Variants in SLC29A4 observed in about 807,000 individuals in gnomAD.
SLC29A4 encodes the protein solute carrier family 29 member 4.
A neutral mutation model predicts 43.9 loss-of-function variants in SLC29A4; 36 were observed. The observed-to-expected ratio is 0.82, with a 90% CI of 0.63 to 1.08. The LOEUF is 1.08. SLC29A4 is among the 50% of genes least tolerant of loss of function. The probability of loss-of-function intolerance (pLI) is 0.00; values close to 1 mark genes in which losing one functional copy is unlikely to be tolerated. For missense variants in SLC29A4, 869 were observed against 755.3 expected (o/e 1.15, Z -1.77); for synonymous variants, 491 against 338.0 (o/e 1.45, Z -4.97).
In SLC29A4 at chr7:5,297,021, C is replaced by G. The variant is rs745909941; in HGVS notation, c.705C>G (p.Phe235Leu). 6.2e-7 allele frequency: 1 copy of G among 1,606,296 alleles called. No individual in the cohort carries two copies. The highest frequency in any genetic ancestry group is 1.3e-5 in the African/African-American group (1 of 74,854). ...PDERASTLIF[F>L]LVSVALELLC... ...AGCGCGCCAGCACGCTCATCTTCTT[C>G]CTGGTGTCGGTGGCGCTGGAGCTGC... The change falls in exon 7 of 11, where the codon TTC becomes TTG. Residue 235 changes from phenylalanine (F) to leucine (L), a missense_variant. Transcript: ENST00000396872.
At chr7:5,296,229 G>A (rs1031708146) in intron 6 of SLC29A4, among the ~76,000 whole-genome samples, 1 of 151,864 alleles carries the variant, frequency 6.6e-6, no homozygotes, top group African/African-American at 2.4e-5. Flanking sequence ...CGCGCCCTCT[G>A]TTCCATTCCT....
chr7:5,301,974 G>A (rs188132273), intron 10 of SLC29A4, among the ~76,000 whole-genome samples: 42 of 152,148 alleles, frequency 2.8e-4, no homozygotes, highest in East Asian at 2.1e-3. Context: ...CTTTTTAGAT[G>A]GAGTCTTGCT....
Position 5,287,901 on chromosome 7 carries a change from G to A in SLC29A4, c.85G>A (p.Asp29Asn), listed in dbSNP as rs779321095. Residue 29 changes from aspartate to asparagine, a missense_variant, in exon 2 of 11, where the codon GAC becomes AAC. By Grantham distance (23) the Asp-to-Asn change is conservative. Coordinates refer to ENST00000396872, the MANE Select transcript of SLC29A4 (RefSeq NM_153247.4). Reference sequence around the variant, plus strand: ...GGGCGTAGTGATGAGCTTCACCTTCGACAGTCACCAGCTGGAGGAGGCGGC... The same window carrying A: ...GGGCGTAGTGATGAGCTTCACCTTCAACAGTCACCAGCTGGAGGAGGCGGC... The part of the protein sequence containing the change: ...DPGVVMSFTF[D>N]SHQLEEAAEA... 35 of 1,611,998 alleles carry A rather than the reference G, an allele frequency of 2.2e-5. No homozygotes were observed. The highest frequency in any genetic ancestry group is 6.7e-5 in the Admixed American group (4 of 59,986).
intron 6 of SLC29A4, among the ~76,000 whole-genome samples, 150 bp from the exon 7 acceptor site, chr7:5,296,769 GGGGGCAGGGCCTGTGGT>G (rs1785701971): frequency 1.5e-5 from 2 of 129,162 alleles, no homozygotes; most frequent in African/African-American, 6.9e-5. Flanking sequence ...GCCTGTGGGT[GGGGGCAGGGCCTGTGGT>G]GGAGGGCGGG....
rs759477116 is a variant in SLC29A4, at chr7:5,297,022, C to G, written c.706C>G (p.Leu236Val). The change falls in exon 7 of 11, where the codon CTG becomes GTG. Residue 236 changes from leucine (L) to valine (V), a missense_variant. By Grantham distance (32) the Leu-to-Val change is conservative. Coordinates refer to ENST00000396872, the MANE Select transcript of SLC29A4 (RefSeq NM_153247.4). ...DERASTLIFF[L>V]VSVALELLCF... is the part of the protein sequence containing the mutation. ...GCGCGCCAGCACGCTCATCTTCTTC[C>G]TGGTGTCGGTGGCGCTGGAGCTGCT... The G allele has an allele frequency of 5.0e-6, 8 of 1,606,574 alleles. No individual in the cohort carries two copies. In the East Asian group the frequency reaches 1.8e-4, roughly 36 times the overall value.
chr7:5,297,324 G>T, intron 7 of SLC29A4, 126 bp downstream of exon 7: 1 of 1,124,822 alleles, frequency 8.9e-7, no homozygotes, highest in Non-Finnish European at 1.2e-6. Flanking sequence ...TCCTGTGGTG[G>T]AGACTCCTTC....
At chr7:5,293,234 C>T (rs1386441660) in intron 5 of SLC29A4, among the ~76,000 whole-genome samples, 4 of 145,542 alleles carry the variant, frequency 2.7e-5, no homozygotes, top group African/African-American at 1.0e-4. Context: ...TGCAGTGGCA[C>T]GATCTCAGCT....
chr7:5,299,705 A>G (rs957998463), intron 9 of SLC29A4, among the ~76,000 whole-genome samples: 2 of 152,206 alleles, frequency 1.3e-5, no homozygotes, highest in African/African-American at 4.8e-5. Flanking sequence ...GGGGATGAGC[A>G]CAGGAGGATG....
chr7:5,283,869 C>T (rs1248621643), intron 1 of SLC29A4, among the ~76,000 whole-genome samples: 1 of 152,204 alleles, frequency 6.6e-6, no homozygotes, highest in East Asian at 1.9e-4. Context: ...CTGGTCCTTC[C>T]TGGCTGGCCG....
At chr7:5,302,292 C>G (rs199512589) in intron 10 of SLC29A4, among the ~76,000 whole-genome samples, 1 of 152,176 alleles carries the variant, frequency 6.6e-6, no homozygotes, top group African/African-American at 2.4e-5. Context: ...GCCAGGCTCA[C>G]TGGCTCAGGA....
intron 6 of SLC29A4, 107 bp from the exon 7 acceptor site, chr7:5,296,829 G>T (rs1562450374): frequency 7.7e-7 from 1 of 1,296,144 alleles, no homozygotes; most frequent in Non-Finnish European, 1.0e-6. Flanking sequence ...TGTGGTGGAG[G>T]GCGGGGCCGG....
At position 5,297,653 on chromosome 7, in the gene SLC29A4, C is replaced by T. The variant is rs1272350259; in HGVS notation, c.882+455C>T. Among the ~76,000 whole-genome samples the T allele has an allele frequency of 5.4e-5, 8 of 147,070 alleles. No homozygotes were observed. The East Asian group carries it at 9.6e-4, about 18-fold the overall frequency. On this transcript the variant is annotated intron_variant, in intron 7 of 10. Transcript: ENST00000396872. The stretch of plus-strand genomic sequence containing the variant: ...CTCTAGGAAGCTCACAGCCTTCCTC[C>T]CTAGAGTCGGGACGCCAGGAGGGAA...
chr7:5,297,578 G>C (rs1264960250), intron 7 of SLC29A4, among the ~76,000 whole-genome samples: 1 of 152,208 alleles, frequency 6.6e-6, no homozygotes, highest in Non-Finnish European at 1.5e-5. Flanking sequence ...TCCTGGCTGC[G>C]CCAACCCACG....
chr7:5,283,105 G>C (rs1295938831), intron 1 of SLC29A4, 23 bp downstream of exon 1: 1 of 149,040 alleles, frequency 6.7e-6, no homozygotes, highest in African/African-American at 2.4e-5. Context: ...CGCGGGACGC[G>C]GGGAGACGCC....
At position 5,300,511 on chromosome 7, in the gene SLC29A4, G is replaced by C. The variant is rs539398267; in HGVS notation, c.1299G>C (p.Leu433=). Residue 433 remains leucine (L), a synonymous_variant, in exon 10 of 11, where the codon CTG becomes CTC. Transcript: ENST00000396872. Reference sequence around the variant, plus strand: ...TGGTCTTCATCCCCCTCTTCATCCTGTGCGTCTACCCCAGCGGCATGCCCG... The same window carrying C: ...TGGTCTTCATCCCCCTCTTCATCCTCTGCGTCTACCCCAGCGGCATGCCCG... The part of the protein sequence containing the change: ...LRVVFIPLFI[L]CVYPSGMPAL... The C allele has an allele frequency of 6.2e-7, 1 of 1,612,118 alleles. No individual in the cohort carries two copies. Among genetic ancestry groups the C allele is most frequent in the East Asian group, 2.2e-5 (1 of 44,876 alleles).
At position 5,298,979 on chromosome 7, in the gene SLC29A4, TC is replaced by T; in HGVS notation, c.883-6del. The T allele has an allele frequency of 6.2e-7, 1 of 1,605,744 alleles. No individual in the cohort carries two copies. On this transcript the variant is annotated splice_polypyrimidine_tract_variant and splice_region_variant and intron_variant, in intron 7 of 10. Coordinates refer to ENST00000396872, the MANE Select transcript of SLC29A4 (RefSeq NM_153247.4). ...ACTCCAACCCCATCCCACTCCATCC[TC>T]CCTCCAGGAGCACCCAGCCCCGGCC...
intron 2 of SLC29A4, among the ~76,000 whole-genome samples, chr7:5,288,393 C>T (rs1264261029): frequency 2.0e-5 from 3 of 150,522 alleles, no homozygotes; most frequent in South Asian, 2.1e-4. Flanking sequence ...CAAGCTCCGC[C>T]TCCTGGGTTC....
intron 5 of SLC29A4, among the ~76,000 whole-genome samples, chr7:5,293,963 G>T (rs927453171): frequency 1.3e-5 from 2 of 152,044 alleles, no homozygotes; most frequent in Non-Finnish European, 2.9e-5. Context: ...AAAATTAGCC[G>T]GGTGTGGTGG....
In SLC29A4 at chr7:5,306,850, C is replaced by CCAA. The variant is rs1018725836; in HGVS notation, c.*3915_*3917dup. On this transcript the variant is annotated 3_prime_UTR_variant, in exon 11 of 11. Transcript: ENST00000396872. ...ATGAAAAAAGATCACACAGAATTTG[C>CCAA]CAACAAACAAAATTCCAAAAGAAAC... is the stretch of plus-strand genomic sequence containing the variant. 2 of 148,950 alleles carry CCAA rather than the reference C, an allele frequency of 1.3e-5. No individual in the cohort carries two copies. Among genetic ancestry groups the CCAA allele is most frequent in the African/African-American group, 2.5e-5 (1 of 39,492 alleles). 9.2% of individuals were successfully genotyped at this position (148,950 alleles called of 1,614,324 possible). A position where few individuals can be genotyped will look rare whatever the true frequency, so the allele number is the denominator to read the frequency against.
Sources: gnomAD v4.1 joint callset for allele counts (sites outside exome capture counted in the v4.1 genomes callset) on GRCh38, gnomAD v4.1.1 for gene constraint, MANE v1.5 for transcripts, NCBI Gene and HGNC (gene_info 2026-07-23, HGNC 2026-07-21) for gene names.